The following SLC4A5 variants were observed in gnomAD, a reference collection of about 807,000 sequenced individuals.
SLC4A5 encodes the protein solute carrier family 4 member 5, also known as electrogenic sodium bicarbonate cotransporter 4.
SLC4A5 carries 96 observed loss-of-function variants against 120.4 expected under a neutral mutation model. The ratio of observed to expected loss-of-function variants is 0.80; its 90% CI spans 0.68 to 0.94. The LOEUF is 0.94. Among genes scored for constraint, SLC4A5 ranks in the 40% least tolerant of loss-of-function variants. The pLI is 0.00. For missense variants in SLC4A5, 1,259 were observed against 1,459.5 expected, an observed-to-expected ratio of 0.86 and a Z score of 2.24; for synonymous variants, 550 against 571.1, an observed-to-expected ratio of 0.96 and a Z score of 0.53.
chr2:74,315,828 CTTTTGT>C (rs1053703504), intron 5 of SLC4A5, among the ~76,000 whole-genome samples: 4 of 151,600 alleles, frequency 2.6e-5, no homozygotes, highest in African/African-American at 9.7e-5. Context: ...GCAATCTATG[CTTTTGT>C]TTTTAAGTAA....
chr2:74,318,097 TAAAC>T (rs1306895712), intron 5 of SLC4A5, among the ~76,000 whole-genome samples: 1 of 150,160 alleles, frequency 6.7e-6, no homozygotes, highest in Non-Finnish European at 1.5e-5. Context: ...CACAGCAAAA[TAAAC>T]AATGAACAAA....
rs551243039 is a variant in SLC4A5, at chr2:74,281,302, T to C, written c.401+4471A>G. Among the ~76,000 whole-genome samples the C allele has an allele frequency of 4.6e-5, 7 of 152,346 alleles. No homozygotes were observed. The South Asian group carries it at 1.4e-3, about 32-fold the overall frequency. ...GCTCTTGGGAGGCGCTAAGCTCTGG[T>C]TATTTCTGAGTAACCCCAAAGGGCC... On this transcript the variant is annotated intron_variant, in intron 8 of 30. Coordinates refer to ENST00000394019, the Ensembl canonical transcript of SLC4A5.
At chr2:74,227,244 C>G (rs1291297028) in intron 26 of SLC4A5, 114 bp from the exon 27 acceptor site, 7 of 1,256,458 alleles carry the variant, frequency 5.6e-6, no homozygotes, top group African/African-American at 3.0e-5. Flanking sequence ...GCCCCCTGCT[C>G]AGGCCTTAAG....
chr2:74,242,114 C>G, intron 19 of SLC4A5, 62 bp from the exon 20 acceptor site: 1 of 1,485,672 alleles, frequency 6.7e-7, no homozygotes, highest in African/African-American at 1.4e-5. Context: ...GCTGCATTCC[C>G]AACCCCTTCC....
chr2:74,269,364 C>T (rs1027405323), intron 8 of SLC4A5, among the ~76,000 whole-genome samples: 3 of 146,804 alleles, frequency 2.0e-5, no homozygotes, highest in Non-Finnish European at 3.0e-5. Context: ...TGCCACCAGG[C>T]CCGGCTGTTT....
At chr2:74,242,207 G>C (rs1670471211) in intron 19 of SLC4A5, among the ~76,000 whole-genome samples, 155 bp from the exon 20 acceptor site, 1 of 152,212 alleles carries the variant, frequency 6.6e-6, no homozygotes, top group South Asian at 2.1e-4. Context: ...CTTTGCCCCA[G>C]TTAGGGAAGG....
exon 9 of SLC4A5, chr2:74,265,217 C>T (rs1211068302): frequency 1.2e-6 from 2 of 1,614,126 alleles, no homozygotes; most frequent in Non-Finnish European, 1.7e-6. Context: ...GTGGGGCTTG[C>T]TCCAGCGTTC....
At chr2:74,283,994 C>T (rs1043320358) in intron 8 of SLC4A5, among the ~76,000 whole-genome samples, 12 of 151,826 alleles carry the variant, frequency 7.9e-5, no homozygotes, top group Admixed American at 5.9e-4. Context: ...TGTGCCACCA[C>T]GCCTAGCTAA....
At chr2:74,241,926 A>G in intron 20 of SLC4A5, 68 bp downstream of exon 20, 1 of 1,513,808 alleles carries the variant, frequency 6.6e-7, no homozygotes, top group Non-Finnish European at 9.0e-7. Flanking sequence ...TCTCATTTCC[A>G]AAATCTTTTC....
chr2:74,315,649 C>A (rs1019123730), intron 5 of SLC4A5, among the ~76,000 whole-genome samples: 1 of 150,592 alleles, frequency 6.6e-6, no homozygotes, highest in East Asian at 1.9e-4. Context: ...TATATATATG[C>A]GCCAGGTGTG....
intron 11 of SLC4A5, 81 bp downstream of exon 11, chr2:74,262,056 C>A: frequency 1.5e-6 from 2 of 1,311,148 alleles, no homozygotes; most frequent in Non-Finnish European, 1.1e-6. Context: ...GCTTTGTCTC[C>A]CCCACCTATG....
chr2:74,254,214 T>C (rs1245834098), intron 14 of SLC4A5, among the ~76,000 whole-genome samples: 1 of 152,136 alleles, frequency 6.6e-6, no homozygotes, highest in Non-Finnish European at 1.5e-5. Flanking sequence ...CCTCCTGCCC[T>C]TGAAGCTCTT....
rs190021209 is a variant in SLC4A5, at chr2:74,300,075, C to T, written c.271+4414G>A. The stretch of plus-strand genomic sequence containing the variant: ...AAGGAAATTCTGCCATTTGTTTCAA[C>T]ATGGAAGAACCGGGAGGGCATGACG... On this transcript the variant is annotated intron_variant, in intron 7 of 30. Transcript: ENST00000394019. 3.0e-3 allele frequency among the ~76,000 whole-genome samples: 463 copies of T among 152,292 alleles called. 1 individual carries two copies. Among genetic ancestry groups the T allele is most frequent in the African/African-American group, 0.01 (428 of 41,558 alleles).
intron 8 of SLC4A5, among the ~76,000 whole-genome samples, chr2:74,269,840 C>A (rs1377006095): frequency 6.6e-6 from 1 of 152,166 alleles, no homozygotes; most frequent in Non-Finnish European, 1.5e-5. Context: ...TCTGCCCATA[C>A]AAATGCAACT....
At chr2:74,270,053 TAA>T (rs2104078489) in intron 8 of SLC4A5, among the ~76,000 whole-genome samples, 1 of 152,318 alleles carries the variant, frequency 6.6e-6, no homozygotes, top group South Asian at 2.1e-4. Context: ...GCATAAACAC[TAA>T]ATTACTTGTC....
exon 29 of SLC4A5, chr2:74,222,944 G>A (rs1263647093): frequency 4.4e-6 from 7 of 1,607,954 alleles, no homozygotes; most frequent in African/African-American, 2.7e-5. Context: ...AGGGAGGAGG[G>A]AACTGGGGCT....
chr2:74,285,897 G>C, exon 8 of SLC4A5: 1 of 1,598,982 alleles, frequency 6.3e-7, no homozygotes, highest in Non-Finnish European at 8.5e-7. Context: ...TCAGCAGCTG[G>C]GGACCCTGCA....
intron 24 of SLC4A5, 141 bp downstream of exon 24, chr2:74,232,328 G>T: frequency 1.1e-6 from 1 of 950,022 alleles, no homozygotes; most frequent in Non-Finnish European, 1.6e-6. Context: ...TCCAGGGATA[G>T]CACTCCTGTC....
chr2:74,267,564 T>A (rs983926735), intron 8 of SLC4A5, among the ~76,000 whole-genome samples: 6 of 152,210 alleles, frequency 3.9e-5, no homozygotes, highest in Admixed American at 2.6e-4. Flanking sequence ...TGCACACATG[T>A]GTCTGGAGAA....
Sources: gnomAD v4.1 joint callset for allele counts (sites outside exome capture counted in the v4.1 genomes callset) on GRCh38, gnomAD v4.1.1 for gene constraint, MANE v1.5 for transcripts, NCBI Gene and HGNC (gene_info 2026-07-23, HGNC 2026-07-21) for gene names.